CALN1: variants seen among roughly 807,000 people sequenced by gnomAD.
CALN1 encodes calneuron 1.
In CALN1, 17 loss-of-function variants were observed where a neutral mutation model predicts 30.6. That is an observed-to-expected ratio of 0.56 (90% CI 0.38 to 0.83). The LOEUF is 0.83. Ranked by LOEUF, CALN1 falls within the 40% of genes least tolerant of loss-of-function variation. The pLI is 0.00. For synonymous variants in CALN1, 156 were observed against 131.4 expected (o/e 1.19, Z -1.28); for missense variants, 291 against 354.9 (o/e 0.82, Z 1.45).
chr7:72,208,953 T>C, intron 3 of CALN1, among the ~76,000 whole-genome samples: 1 of 151,966 alleles, frequency 6.6e-6, no homozygotes, highest in South Asian at 2.1e-4. Flanking sequence ...CTTTCTTTCT[T>C]CCTCCCTCCC....
chr7:71,919,695 C>G (rs1794840863), intron 5 of CALN1, among the ~76,000 whole-genome samples: 1 of 152,146 alleles, frequency 6.6e-6, no homozygotes, highest in African/African-American at 2.4e-5. Flanking sequence ...TCCAGGAAGA[C>G]ACTATGGTGG....
At chr7:71,819,092 C>A (rs538087862) in intron 5 of CALN1, among the ~76,000 whole-genome samples, 2 of 152,248 alleles carry the variant, frequency 1.3e-5, no homozygotes, top group East Asian at 1.9e-4. Flanking sequence ...CAGGCTCAAG[C>A]AGTCCTACCA....
At chr7:72,229,060 C>A (rs1312113014) in intron 3 of CALN1, among the ~76,000 whole-genome samples, 1 of 151,706 alleles carries the variant, frequency 6.6e-6, no homozygotes, top group South Asian at 2.1e-4. Context: ...CCACCACACC[C>A]AGCCCATTTT....
At chr7:72,387,764 AG>A (rs766086439) in intron 2 of CALN1, among the ~76,000 whole-genome samples, 25 of 152,206 alleles carry the variant, frequency 1.6e-4, no homozygotes, top group Admixed American at 7.9e-4. Context: ...AGACAGGACA[AG>A]TAAATGCACC....
chr7:72,409,054 G>A (rs1432486336), intron 1 of CALN1, among the ~76,000 whole-genome samples: 2 of 151,818 alleles, frequency 1.3e-5, no homozygotes, highest in African/African-American at 2.4e-5. Flanking sequence ...AGACTGCAGT[G>A]GCACTATCTC....
chr7:72,317,957 C>A (rs12699133), intron 2 of CALN1, among the ~76,000 whole-genome samples: 7,417 of 152,188 alleles, frequency 0.049, 242 homozygotes, highest in Non-Finnish European at 0.081. Flanking sequence ...TCACTCTGTG[C>A]AATAGATCAA....
At chr7:72,149,577 G>C (rs1317632539) in intron 3 of CALN1, among the ~76,000 whole-genome samples, 1 of 152,050 alleles carries the variant, frequency 6.6e-6, no homozygotes, top group Non-Finnish European at 1.5e-5. Context: ...CAGAAACCCT[G>C]ATTAGCTCAC....
intron 2 of CALN1, among the ~76,000 whole-genome samples, chr7:72,361,720 A>G (rs994703553): frequency 2.6e-5 from 4 of 152,198 alleles, no homozygotes; most frequent in African/African-American, 9.7e-5. Flanking sequence ...GAACAAGGAG[A>G]AAGAAGTAAA....
At chr7:72,339,651 A>C (rs1389440655) in intron 2 of CALN1, among the ~76,000 whole-genome samples, 1 of 152,244 alleles carries the variant, frequency 6.6e-6, no homozygotes, top group African/African-American at 2.4e-5. Flanking sequence ...TATACAAAGG[A>C]AAGAGGTTTA....
intron 3 of CALN1, among the ~76,000 whole-genome samples, chr7:72,256,474 A>C (rs1795921333): frequency 6.6e-6 from 1 of 152,180 alleles, no homozygotes; most frequent in South Asian, 2.1e-4. Context: ...AAGAAAAAAG[A>C]AGCACATGCA....
chr7:72,348,415 G>A (rs1464548776), intron 2 of CALN1, among the ~76,000 whole-genome samples: 2 of 152,200 alleles, frequency 1.3e-5, no homozygotes, highest in African/African-American at 4.8e-5. Flanking sequence ...CAGAGTTCAT[G>A]AAGGCTTAGG....
At chr7:72,254,819 T>C (rs919741789) in intron 3 of CALN1, among the ~76,000 whole-genome samples, 4 of 152,042 alleles carry the variant, frequency 2.6e-5, no homozygotes, top group Non-Finnish European at 4.4e-5. Flanking sequence ...CAGACTGGAG[T>C]GCAGTGGTGC....
chr7:72,259,244 GTCTTC>G (rs1796119226), intron 3 of CALN1, among the ~76,000 whole-genome samples: 1 of 151,988 alleles, frequency 6.6e-6, no homozygotes, highest in Non-Finnish European at 1.5e-5. Context: ...GTCTTTGGCT[GTCTTC>G]TCATTATCAT....
intron 4 of CALN1, among the ~76,000 whole-genome samples, chr7:72,054,476 C>CACATATAT (rs1427614054): frequency 0.31 from 27,633 of 89,502 alleles, 5,058 homozygotes; most frequent in East Asian, 0.73. Flanking sequence ...TACATATATA[C>CACATATAT]ATACATATAT....
intron 5 of CALN1, among the ~76,000 whole-genome samples, chr7:71,919,457 T>G (rs924475879): frequency 1.4e-4 from 21 of 152,244 alleles, no homozygotes; most frequent in African/African-American, 4.6e-4. Flanking sequence ...ATAGTCATTG[T>G]GTTAGGTGGT....
intron 2 of CALN1, among the ~76,000 whole-genome samples, chr7:72,317,558 C>A (rs1330170391): frequency 1.3e-5 from 2 of 152,188 alleles, no homozygotes; most frequent in African/African-American, 4.8e-5. Context: ...GATGGGACAG[C>A]TGGGCTGCAA....
chr7:71,975,846 T>C (rs1253813934), intron 5 of CALN1, among the ~76,000 whole-genome samples: 1 of 151,372 alleles, frequency 6.6e-6, no homozygotes, highest in East Asian at 2.0e-4. Flanking sequence ...TCTTCCATCC[T>C]CTTTTCATGA....
At chr7:72,138,988 G>A (rs891805455) in intron 3 of CALN1, among the ~76,000 whole-genome samples, 4 of 152,186 alleles carry the variant, frequency 2.6e-5, no homozygotes, top group Non-Finnish European at 5.9e-5. Flanking sequence ...ATCATCTAGC[G>A]TTCAATCTCA....
intron 3 of CALN1, among the ~76,000 whole-genome samples, chr7:72,180,561 G>T (rs1417684325): frequency 1.7e-5 from 2 of 114,720 alleles, no homozygotes; most frequent in South Asian, 2.9e-4. Flanking sequence ...GGGCTATTTG[G>T]TTACTGTTAC....
Sources: allele counts gnomAD v4.1 joint callset (sites outside exome capture counted in the v4.1 genomes callset), GRCh38; gene constraint gnomAD v4.1.1; transcripts MANE v1.5; gene names NCBI Gene and HGNC (gene_info 2026-07-23, HGNC 2026-07-21).